ASH1L: variants seen among roughly 807,000 people sequenced by gnomAD.
The protein encoded by ASH1L is ASH1 like histone lysine methyltransferase, also known as histone-lysine N-methyltransferase ASH1L.
Under a neutral mutation model 269.0 loss-of-function variants are expected in ASH1L, and 23 were observed. The ratio of observed to expected loss-of-function variants is 0.09; its 90% CI spans 0.06 to 0.12. The LOEUF (loss-of-function observed/expected upper bound fraction) is 0.12, where lower values mean the gene tolerates loss of function less well. ASH1L is among the 10% of genes least tolerant of loss of function. ASH1L has a pLI of 1.00. For synonymous variants in ASH1L, 1,187 were observed against 1,253.5 expected (o/e 0.95, Z 1.12); for missense variants, 2,912 against 3,567.8 (o/e 0.82, Z 4.68).
rs1652384331 is a variant in ASH1L, at chr1:155,337,121, C to T, written c.*539G>A. The T allele has an allele frequency of 6.6e-6, 1 of 152,372 alleles. No homozygotes were observed. Among genetic ancestry groups the T allele is most frequent in the African/African-American group, 2.4e-5 (1 of 41,372 alleles). The allele number at this position is 152,372 out of a possible 1,614,324, so 9.4% of individuals were successfully genotyped here. A position where few individuals can be genotyped will look rare whatever the true frequency, so the allele number is the denominator to read the frequency against. On this transcript the variant is annotated 3_prime_UTR_variant, in exon 28 of 28. Transcript: ENST00000392403. ...CACATTTTACTTTGACCTGGTTGGGCAAGAAAGGAGAGACAAACTTCCCTA... is the reference window on the plus strand; with the variant it reads ...CACATTTTACTTTGACCTGGTTGGGTAAGAAAGGAGAGACAAACTTCCCTA...
chr1:155,492,284 C>T (rs1160810295), intron 2 of ASH1L, among the ~76,000 whole-genome samples: 2 of 151,932 alleles, frequency 1.3e-5, no homozygotes, highest in Non-Finnish European at 2.9e-5. Flanking sequence ...CCAACCTCAG[C>T]CGCCAGCCTC....
intron 7 of ASH1L, among the ~76,000 whole-genome samples, chr1:155,391,023 G>A (rs956532172): frequency 1.3e-5 from 2 of 151,186 alleles, no homozygotes; most frequent in Middle Eastern, 3.4e-3. Flanking sequence ...TCTGCTCACT[G>A]TAACCTCTGC....
At chr1:155,338,019 A>C in intron 27 of ASH1L, 70 bp downstream of exon 27, 1 of 1,469,120 alleles carries the variant, frequency 6.8e-7, no homozygotes, top group East Asian at 2.3e-5. Flanking sequence ...ACCAGTAATT[A>C]CAATTTTTTT....
Position 155,448,930 on chromosome 1 carries a change from A to G in ASH1L, c.5087-9862T>C, listed in dbSNP as rs144587181. ...TTCTTAGATTATCCCACAAATTTCT[A>G]TGTGTGTGTGTGTTTTTTTTTTTAA... On this transcript the variant is annotated intron_variant, in intron 4 of 27. Coordinates refer to ENST00000392403, the MANE Select transcript of ASH1L (RefSeq NM_018489.3). Among the ~76,000 whole-genome samples, 223 of 150,336 alleles carry G rather than the reference A, an allele frequency of 1.5e-3. 1 individual carries two copies. The highest frequency in any genetic ancestry group is 4.6e-3 in the African/African-American group (185 of 40,306).
chr1:155,433,982 G>A, intron 5 of ASH1L: 1 of 1,583,534 alleles, frequency 6.3e-7, no homozygotes, highest in South Asian at 1.1e-5. Context: ...CCAGCAGCTT[G>A]GGCTCGAGAA....
intron 1 of ASH1L, among the ~76,000 whole-genome samples, chr1:155,553,376 T>G (rs1345127934): frequency 2.0e-5 from 3 of 152,220 alleles, no homozygotes; most frequent in African/African-American, 7.2e-5. Flanking sequence ...AATAGTTTTT[T>G]GTCTAAGAAA....
At chr1:155,338,048 C>T (rs776243750) in intron 27 of ASH1L, 41 bp downstream of exon 27, 34 of 1,573,460 alleles carry the variant, frequency 2.2e-5, no homozygotes, top group Non-Finnish European at 2.9e-5. Flanking sequence ...TCTCATTTCG[C>T]ATTTATCTTA....
intron 1 of ASH1L, among the ~76,000 whole-genome samples, chr1:155,535,710 T>G (rs1045692668): frequency 6.6e-6 from 1 of 151,472 alleles, no homozygotes; most frequent in African/African-American, 2.4e-5. Context: ...GTATAGCACA[T>G]TAGGCCAGGC....
At chr1:155,510,819 G>GT (rs1240702547) in intron 2 of ASH1L, among the ~76,000 whole-genome samples, 1 of 151,904 alleles carries the variant, frequency 6.6e-6, no homozygotes, top group Non-Finnish European at 1.5e-5. Flanking sequence ...ATTAAGTCTT[G>GT]TTTTTTAACT....
intron 15 of ASH1L, 24 bp from the exon 16 acceptor site, chr1:155,354,654 TC>T (rs1654212619): frequency 2.5e-6 from 4 of 1,601,248 alleles, no homozygotes; most frequent in Non-Finnish European, 3.4e-6. Context: ...AAAAAAATCT[TC>T]CTTTATTCAT....
At chr1:155,341,681 G>A (rs946876287) in intron 25 of ASH1L, among the ~76,000 whole-genome samples, 1 of 152,024 alleles carries the variant, frequency 6.6e-6, no homozygotes, top group African/African-American at 2.4e-5. Context: ...AATGGGGCTC[G>A]CCAGCAAAGG....
intron 6 of ASH1L, chr1:155,396,821 G>A (rs1305054090): frequency 6.6e-6 from 1 of 151,202 alleles, no homozygotes. Context: ...AATTAGCTGA[G>A]CATAGTGGTA....
chr1:155,534,953 G>A (rs920261410), intron 1 of ASH1L, among the ~76,000 whole-genome samples: 9 of 152,166 alleles, frequency 5.9e-5, no homozygotes, highest in Non-Finnish European at 1.2e-4. Flanking sequence ...ACTTTGGCAG[G>A]CCAAGGCGGG....
chr1:155,547,319 A>T (rs1019748921), intron 1 of ASH1L, among the ~76,000 whole-genome samples: 2 of 152,050 alleles, frequency 1.3e-5, no homozygotes, highest in Non-Finnish European at 2.9e-5. Flanking sequence ...ACACATGCAC[A>T]TGTGTTTCTG....
chr1:155,388,549 G>C (rs1335244959), intron 7 of ASH1L, among the ~76,000 whole-genome samples: 1 of 151,966 alleles, frequency 6.6e-6, no homozygotes, highest in African/African-American at 2.4e-5. Flanking sequence ...CAATCCAACA[G>C]CCTCAGCCTC....
intron 2 of ASH1L, among the ~76,000 whole-genome samples, chr1:155,504,457 A>G (rs1216671332): frequency 1.3e-5 from 2 of 152,156 alleles, no homozygotes; most frequent in Non-Finnish European, 2.9e-5. Flanking sequence ...ATCTGCCCCA[A>G]TATTATATAG....
intron 10 of ASH1L, among the ~76,000 whole-genome samples, chr1:155,377,626 A>G (rs953587836): frequency 6.6e-6 from 1 of 152,154 alleles, no homozygotes; most frequent in Non-Finnish European, 1.5e-5. Context: ...CTTCACAAAC[A>G]TTGTTTATCA....
chr1:155,433,090 T>A (rs1330398083), intron 5 of ASH1L: 1 of 1,292,384 alleles, frequency 7.7e-7, no homozygotes, highest in Non-Finnish European at 1.0e-6. Flanking sequence ...TAAACTGCTA[T>A]GACAGAGATA....
intron 12 of ASH1L, 49 bp from the exon 13 acceptor site, chr1:155,360,458 T>G (rs757585519): frequency 1.6e-6 from 2 of 1,281,418 alleles, no homozygotes; most frequent in African/African-American, 3.0e-5. Context: ...TTTTTTTTTT[T>G]TTTGAGACGG....
Sources: gnomAD v4.1 joint callset for allele counts (sites outside exome capture counted in the v4.1 genomes callset) on GRCh38, gnomAD v4.1.1 for gene constraint, MANE v1.5 for transcripts, NCBI Gene and HGNC (gene_info 2026-07-23, HGNC 2026-07-21) for gene names.